The following FHIT variants were observed in gnomAD, a reference collection of about 807,000 sequenced individuals.
The protein encoded by FHIT is bis(5'-adenosyl)-triphosphatase.
FHIT carries 19 observed loss-of-function variants against 17.9 expected under a neutral mutation model. That is an observed-to-expected ratio of 1.06 (90% CI 0.74 to 1.56). FHIT has a LOEUF of 1.56. Ranked by LOEUF, FHIT falls within the 40% of genes most tolerant of loss-of-function variation. The pLI is 0.00. For missense variants in FHIT, 248 were observed against 189.2 expected, an observed-to-expected ratio of 1.31 and a Z score of -1.82; for synonymous variants, 81 against 69.7, an observed-to-expected ratio of 1.16 and a Z score of -0.81.
At chr3:60,092,929 T>C (rs1250097665) in intron 5 of FHIT, among the ~76,000 whole-genome samples, 2 of 152,190 alleles carry the variant, frequency 1.3e-5, no homozygotes, top group African/African-American at 4.8e-5. Flanking sequence ...GGAACCAGCT[T>C]GGTGCCAAAG....
chr3:61,063,149 G>A (rs546294191), intron 2 of FHIT, among the ~76,000 whole-genome samples: 9 of 151,034 alleles, frequency 6.0e-5, no homozygotes, highest in Admixed American at 2.0e-4. Flanking sequence ...CCAGCTACTC[G>A]GGAGGCTGAG....
intron 3 of FHIT, among the ~76,000 whole-genome samples, chr3:61,007,329 G>C (rs2031518113): frequency 6.6e-6 from 1 of 152,150 alleles, no homozygotes; most frequent in Admixed American, 6.5e-5. Flanking sequence ...TTTGGCCTGA[G>C]AGTGTAATCG....
intron 3 of FHIT, among the ~76,000 whole-genome samples, chr3:60,975,965 T>C (rs962325294): frequency 1.3e-5 from 2 of 152,096 alleles, no homozygotes; most frequent in African/African-American, 4.8e-5. Flanking sequence ...TCAAATCAAC[T>C]CTTTCTACAC....
chr3:60,153,787 G>T (rs1029073904), intron 5 of FHIT, among the ~76,000 whole-genome samples: 3 of 152,132 alleles, frequency 2.0e-5, no homozygotes, highest in African/African-American at 7.2e-5. Flanking sequence ...GGTTGCTTTT[G>T]GTGGAAACCC....
At chr3:60,977,120 CA>C (rs1710289429) in intron 3 of FHIT, among the ~76,000 whole-genome samples, 1 of 152,150 alleles carries the variant, frequency 6.6e-6, no homozygotes, top group Non-Finnish European at 1.5e-5. Flanking sequence ...CCAGCTTATA[CA>C]ATTCTTTTGT....
chr3:59,931,948 T>C (rs541601521), intron 7 of FHIT, among the ~76,000 whole-genome samples: 1 of 148,778 alleles, frequency 6.7e-6, no homozygotes, highest in Admixed American at 6.8e-5. Flanking sequence ...AAATTTCAAA[T>C]TTTCAAAAAT....
chr3:60,769,550 C>A (rs1262469936), intron 4 of FHIT, among the ~76,000 whole-genome samples: 2 of 152,144 alleles, frequency 1.3e-5, no homozygotes, highest in African/African-American at 4.8e-5. Context: ...ATCGGGCAGC[C>A]CCCAGAATCA....
chr3:60,455,377 C>G (rs76323205), intron 5 of FHIT, among the ~76,000 whole-genome samples: 3 of 152,224 alleles, frequency 2.0e-5, no homozygotes, highest in African/African-American at 7.2e-5. Context: ...AGCAATCTTA[C>G]GGCCATTTAC....
At chr3:60,973,452 C>G (rs1257666289) in intron 3 of FHIT, among the ~76,000 whole-genome samples, 3 of 152,106 alleles carry the variant, frequency 2.0e-5, no homozygotes, top group Non-Finnish European at 4.4e-5. Context: ...AAAAAGGCCT[C>G]AAGGGAAAAT....
intron 4 of FHIT, among the ~76,000 whole-genome samples, chr3:60,687,758 T>A (rs751493974): frequency 2.0e-5 from 3 of 152,130 alleles, no homozygotes; most frequent in Non-Finnish European, 4.4e-5. Context: ...TGTATTAAAG[T>A]GTCATACAAC....
At chr3:60,596,083 T>G (rs1553666373) in intron 4 of FHIT, 1 of 302,540 alleles carries the variant, frequency 3.3e-6, no homozygotes, top group East Asian at 1.7e-4. Context: ...TATTGCTCTA[T>G]TAATTCTTCT....
At chr3:60,463,793 T>G (rs1365806886) in intron 5 of FHIT, among the ~76,000 whole-genome samples, 1 of 152,230 alleles carries the variant, frequency 6.6e-6, no homozygotes, top group East Asian at 1.9e-4. Context: ...TGTTAACTTA[T>G]GTAAAATGGA....
chr3:60,673,183 C>T (rs2040549280), intron 4 of FHIT, among the ~76,000 whole-genome samples: 1 of 152,104 alleles, frequency 6.6e-6, no homozygotes, highest in Non-Finnish European at 1.5e-5. Context: ...CATTTCTGTG[C>T]TCCTCATTCC....
rs147979445 is a variant in FHIT at position 60,189,772 on chromosome 3, A to G, written c.104-175620T>C. ...TTTTTTCATTTCAAAAGAGTTAACT[A>G]CTTTGCTAAGGACTGAAAAAGTTGT... On this transcript the variant is annotated intron_variant, in intron 5 of 9. Coordinates refer to ENST00000492590, the MANE Select transcript of FHIT (RefSeq NM_002012.4). Among the ~76,000 whole-genome samples the G allele has an allele frequency of 9.8e-3, 1,498 of 152,330 alleles. 18 individuals carry two copies. Among genetic ancestry groups the G allele is most frequent in the Middle Eastern group, 0.034 (10 of 294 alleles).
At chr3:59,757,064 G>A (rs138848507) in intron 8 of FHIT, among the ~76,000 whole-genome samples, 36 of 152,246 alleles carry the variant, frequency 2.4e-4, no homozygotes, top group Admixed American at 2.6e-4. Flanking sequence ...GGTAAGTCAC[G>A]TAAGTTAAAT....
chr3:60,627,572 G>C (rs7610879), intron 4 of FHIT, among the ~76,000 whole-genome samples: 19,070 of 152,104 alleles, frequency 0.13, 1,439 homozygotes, highest in Non-Finnish European at 0.17. Flanking sequence ...GTGACAGGCT[G>C]GAGTGCAGTG....
chr3:60,411,757 A>G (rs1702069437), intron 5 of FHIT, among the ~76,000 whole-genome samples: 1 of 152,174 alleles, frequency 6.6e-6, no homozygotes, highest in South Asian at 2.1e-4. Flanking sequence ...CACATGTTGT[A>G]TAATCTTGGA....
chr3:59,891,048 G>T (rs1559702894), intron 8 of FHIT, among the ~76,000 whole-genome samples: 2 of 152,164 alleles, frequency 1.3e-5, no homozygotes, highest in Admixed American at 1.3e-4. Context: ...TGCAACGTAA[G>T]GTCAGAATAA....
intron 5 of FHIT, among the ~76,000 whole-genome samples, chr3:60,234,396 C>T (rs1704661050): frequency 6.6e-6 from 1 of 152,198 alleles, no homozygotes; most frequent in Admixed American, 6.5e-5. Flanking sequence ...TGTGAGTTTT[C>T]TCTGAATTGC....
Sources: gnomAD v4.1 joint callset for allele counts (sites outside exome capture counted in the v4.1 genomes callset) on GRCh38, gnomAD v4.1.1 for gene constraint, MANE v1.5 for transcripts, NCBI Gene and HGNC (gene_info 2026-07-23, HGNC 2026-07-21) for gene names.